Variants in CYB5R4 observed in about 807,000 individuals in gnomAD.
CYB5R4 encodes the protein N-terminal cytochrome b5 and cytochrome b5 oxidoreductase domain-containing protein.
A neutral mutation model predicts 70.2 loss-of-function variants in CYB5R4; 55 were observed. The ratio of observed to expected loss-of-function variants is 0.78; its 90% confidence interval spans 0.63 to 0.98. The LOEUF (loss-of-function observed/expected upper bound fraction) is 0.98. CYB5R4 is among the 50% of genes least tolerant of loss of function. The pLI, the probability that CYB5R4 is intolerant of heterozygous loss-of-function variation, is 0.00. For missense variants in CYB5R4, 562 were observed against 612.6 expected (o/e 0.92, Z 0.87); for synonymous variants, 197 against 199.5 (o/e 0.99, Z 0.11).
chr6:83,922,536 T>G (rs1351741409), intron 9 of CYB5R4, 66 bp downstream of exon 9: 7 of 1,121,620 alleles, frequency 6.2e-6, no homozygotes, highest in Non-Finnish European at 5.2e-6. Context: ...GAGAGAGAGA[T>G]ACGAAAAAAT....
rs951442965 is a variant in CYB5R4, at chr6:83,963,056, T to C, written c.*3178T>C. ...ATTGGACCTATCCAGATATCCAGGG[T>C]AATCTTCCTATTTTAAAAATCTATA... On this transcript the variant is annotated 3_prime_UTR_variant, in exon 16 of 16. Coordinates refer to ENST00000369681, the MANE Select transcript of CYB5R4 (RefSeq NM_016230.4). 1 of 152,228 alleles carries C rather than the reference T, an allele frequency of 6.6e-6. No individual in the cohort carries two copies. The highest frequency in any genetic ancestry group is 2.4e-5 in the African/African-American group (1 of 41,458). 9.4% of individuals were successfully genotyped at this position (152,228 alleles called of 1,614,324 possible). A position where few individuals can be genotyped will look rare whatever the true frequency, so the allele number is the denominator to read the frequency against.
At chr6:83,900,052 T>TTAG (rs2099462636) in intron 3 of CYB5R4, among the ~76,000 whole-genome samples, 1 of 152,178 alleles carries the variant, frequency 6.6e-6, no homozygotes, top group African/African-American at 2.4e-5. Flanking sequence ...CTTTTAATTG[T>TTAG]GATGTTAGGG....
chr6:83,871,717 G>C (rs2099457667), intron 2 of CYB5R4, among the ~76,000 whole-genome samples: 1 of 151,930 alleles, frequency 6.6e-6, no homozygotes, highest in South Asian at 2.1e-4. Context: ...GTCAGTTTTA[G>C]TTGTGTTTTT....
At chr6:83,873,689 TG>T (rs1325822258) in intron 2 of CYB5R4, among the ~76,000 whole-genome samples, 1 of 152,234 alleles carries the variant, frequency 6.6e-6, no homozygotes, top group Non-Finnish European at 1.5e-5. Flanking sequence ...GGGTCTGCTA[TG>T]CGTGTGCATT....
chr6:83,866,621 T>C (rs564597322), intron 2 of CYB5R4, among the ~76,000 whole-genome samples: 1 of 152,152 alleles, frequency 6.6e-6, no homozygotes, highest in East Asian at 1.9e-4. Context: ...GTTTGTTTTT[T>C]TTTTTTATAA....
intron 2 of CYB5R4, among the ~76,000 whole-genome samples, chr6:83,890,924 A>G (rs2099461028): frequency 6.6e-6 from 1 of 152,140 alleles, no homozygotes. Flanking sequence ...CACTTAATAG[A>G]CAACAATATA....
chr6:83,959,804 G>A lies in CYB5R4; in HGVS notation c.1512-20G>A. On this transcript the variant is annotated intron_variant, in intron 15 of 15. Coordinates refer to ENST00000369681, the MANE Select transcript of CYB5R4 (RefSeq NM_016230.4). ...AAAGCATTTTCCCTAAGAAACATGT[G>A]CTTTTTATTTGTTTTTCAGGTTGCT... 1 of 1,587,306 alleles carries A rather than the reference G, an allele frequency of 6.3e-7. No individual in the cohort carries two copies. Among genetic ancestry groups the A allele is most frequent in the Non-Finnish European group, 8.6e-7 (1 of 1,165,800 alleles).
chr6:83,945,457 C>T lies in CYB5R4; in HGVS notation c.1346+4856C>T, dbSNP rs184314924. Among the ~76,000 whole-genome samples, 726 of 152,282 alleles carry T rather than the reference C, an allele frequency of 4.8e-3. 3 individuals are homozygous for T. Among genetic ancestry groups the T allele is most frequent in the Non-Finnish European group, 6.3e-3 (431 of 68,030 alleles). On this transcript the variant is annotated intron_variant, in intron 14 of 15. Transcript: ENST00000369681. ...GGAAATTTATATCACAAAATGCCTA[C>T]AGGAGAAAGCGGGAAAGATCTAAAA...
At chr6:83,883,816 G>T (rs2099459828) in intron 2 of CYB5R4, among the ~76,000 whole-genome samples, 2 of 152,070 alleles carry the variant, frequency 1.3e-5, no homozygotes, top group African/African-American at 2.4e-5. Context: ...TTGTATTGTG[G>T]AGTTAAAGGA....
chr6:83,877,326 C>T (rs892031083), intron 2 of CYB5R4, among the ~76,000 whole-genome samples: 3 of 152,242 alleles, frequency 2.0e-5, no homozygotes, highest in East Asian at 1.9e-4. Context: ...ACTCTACCAT[C>T]ATTCTTTTTT....
chr6:83,889,245 T>C (rs1347154979), intron 2 of CYB5R4, among the ~76,000 whole-genome samples: 4 of 152,178 alleles, frequency 2.6e-5, no homozygotes, highest in African/African-American at 9.6e-5. Context: ...ACATTTTCCA[T>C]GTAGATTAAA....
chr6:83,884,661 C>G (rs1198926165), intron 2 of CYB5R4, among the ~76,000 whole-genome samples: 3 of 152,072 alleles, frequency 2.0e-5, no homozygotes, highest in African/African-American at 7.2e-5. Context: ...AAAGTAGTCA[C>G]AGTAATTGTA....
chr6:83,903,081 C>T (rs933099133), intron 3 of CYB5R4, among the ~76,000 whole-genome samples: 11 of 152,016 alleles, frequency 7.2e-5, no homozygotes, highest in East Asian at 3.8e-4. Flanking sequence ...TGAAAGTGGG[C>T]GTCCTGTCTT....
chr6:83,901,448 T>A (rs188167056), intron 3 of CYB5R4, among the ~76,000 whole-genome samples: 28 of 152,302 alleles, frequency 1.8e-4, no homozygotes, highest in African/African-American at 6.7e-4. Context: ...TTGGAGTTGC[T>A]CTTCTCGAGG....
intron 14 of CYB5R4, among the ~76,000 whole-genome samples, chr6:83,953,301 G>A (rs530058340): frequency 2.0e-5 from 3 of 151,996 alleles, no homozygotes; most frequent in African/African-American, 4.8e-5. Flanking sequence ...ACATCTGGAG[G>A]CATACTAGTG....
At chr6:83,933,847 C>T (rs2099468521) in intron 10 of CYB5R4, among the ~76,000 whole-genome samples, 3 of 152,064 alleles carry the variant, frequency 2.0e-5, no homozygotes, top group South Asian at 2.1e-4. Context: ...CTATTCCTAC[C>T]ATCTTCAGCT....
chr6:83,876,498 CTT>C (rs11399515), intron 2 of CYB5R4, among the ~76,000 whole-genome samples: 1 of 144,016 alleles, frequency 6.9e-6, no homozygotes. Flanking sequence ...TACTTCTTTG[CTT>C]TTTTTTTTTT....
At chr6:83,943,828 C>A (rs892815364) in intron 14 of CYB5R4, among the ~76,000 whole-genome samples, 3 of 151,564 alleles carry the variant, frequency 2.0e-5, no homozygotes, top group Non-Finnish European at 4.4e-5. Flanking sequence ...GTATCCATAG[C>A]CAAATCGATC....
At chr6:83,907,733 G>T (rs2099464029) in intron 3 of CYB5R4, among the ~76,000 whole-genome samples, 1 of 152,026 alleles carries the variant, frequency 6.6e-6, no homozygotes, top group African/African-American at 2.4e-5. Context: ...GTAGTATTTG[G>T]TTTTCTGTTT....
Sources: allele counts gnomAD v4.1 joint callset (sites outside exome capture counted in the v4.1 genomes callset), GRCh38; gene constraint gnomAD v4.1.1; transcripts MANE v1.5; gene names NCBI Gene and HGNC (gene_info 2026-07-23, HGNC 2026-07-21).